RIF1: variants seen among roughly 807,000 people sequenced by gnomAD.
RIF1 encodes the protein replication timing regulatory factor 1.
RIF1 carries 45 observed loss-of-function variants against 247.1 expected under a neutral mutation model. The ratio of observed to expected loss-of-function variants is 0.18; its 90% CI spans 0.14 to 0.23. The LOEUF (loss-of-function observed/expected upper bound fraction) is 0.23, where lower values mean the gene tolerates loss of function less well. Ranked by LOEUF, RIF1 falls within the 10% of genes least tolerant of loss-of-function variation. The pLI is 1.00. For missense variants in RIF1, 2,967 were observed against 2,862.5 expected, an observed-to-expected ratio of 1.04 and a Z score of -0.83; for synonymous variants, 1,087 against 978.8, an observed-to-expected ratio of 1.11 and a Z score of -2.06.
At chr2:151,427,864 C>A (rs550115479) in intron 8 of RIF1, among the ~76,000 whole-genome samples, 1 of 152,154 alleles carries the variant, frequency 6.6e-6, no homozygotes, top group East Asian at 1.9e-4. Flanking sequence ...CGAGACCAGC[C>A]TGGCCAACAT....
rs2048935411 is a variant in RIF1, at chr2:151,476,487, T to G, written c.*1416T>G. The G allele has an allele frequency of 6.6e-6, 1 of 152,170 alleles. No individual in the cohort carries two copies. Among genetic ancestry groups the G allele is most frequent in the Admixed American group, 6.5e-5 (1 of 15,272 alleles). The allele number at this position is 152,170 out of a possible 1,614,324, so 9.4% of individuals were successfully genotyped here. A position where few individuals can be genotyped will look rare whatever the true frequency, so the allele number is the denominator to read the frequency against. On this transcript the variant is annotated 3_prime_UTR_variant, in exon 36 of 36. Coordinates refer to ENST00000444746, the MANE Select transcript of RIF1 (RefSeq NM_018151.5). ...ATTTTATTCAGAAGCTAATCCCTAC[T>G]TAGCAAGGCACACATTCTACAGCAA...
intron 9 of RIF1, chr2:151,493,729 C>T (rs1559157471): frequency 7.3e-7 from 1 of 1,367,320 alleles, no homozygotes; most frequent in Admixed American, 2.1e-5. Flanking sequence ...CCATGTTTGC[C>T]AGGGCTGTTA....
chr2:151,438,626 C>A, intron 13 of RIF1, 58 bp from the exon 14 acceptor site: 1 of 1,034,506 alleles, frequency 9.7e-7, no homozygotes, highest in South Asian at 1.3e-5. Flanking sequence ...GAGTGTTAGT[C>A]ATAGTACGTA....
chr2:151,493,134 T>A (rs2057870394), intron 9 of RIF1: 1 of 499,596 alleles, frequency 2.0e-6, no homozygotes, highest in Non-Finnish European at 3.6e-6. Context: ...TATGATGGTT[T>A]GGAATGTAAA....
intron 1 of RIF1, 40 bp from the exon 2 acceptor site, chr2:151,410,373 AT>A (rs1685928598): frequency 6.5e-7 from 1 of 1,539,350 alleles, no homozygotes; most frequent in Non-Finnish European, 8.9e-7. Flanking sequence ...GGCTGTTTCC[AT>A]CGGTCACTGG....
At chr2:151,491,557 C>T in intron 9 of RIF1, 2 of 790,806 alleles carry the variant, frequency 2.5e-6, no homozygotes, top group Non-Finnish European at 2.1e-6. Context: ...TATTTTTATG[C>T]CAAATGGGCA....
At position 151,468,551 on chromosome 2, in the gene RIF1, A is replaced by T; in HGVS notation, c.6825A>T (p.Leu2275Phe). 6.2e-7 allele frequency: 1 copy of T among 1,611,604 alleles called. No homozygotes were observed. Among genetic ancestry groups the T allele is most frequent in the Non-Finnish European group, 8.5e-7 (1 of 1,177,724 alleles). Reference protein sequence around the residue: ...SPKFKSSKKCLISEMAKESIP... With the variant: ...SPKFKSSKKCFISEMAKESIP... ...AATTTAAGAGCTCAAAGAAGTGTTT[A>T]GTAAGAAGTGCTTTAGTTTTCATGT... The change falls in exon 32 of 36, where the codon TTA (leucine) becomes TTT (phenylalanine). Residue 2275 changes from leucine (L) to phenylalanine (F), a missense_variant and splice_region_variant. By Grantham distance (22) the Leu-to-Phe change is conservative. Coordinates refer to ENST00000444746, the MANE Select transcript of RIF1 (RefSeq NM_018151.5).
intron 17 of RIF1, 97 bp from the exon 18 acceptor site, chr2:151,443,428 AAATT>A (rs1558977932): frequency 7.4e-7 from 1 of 1,359,092 alleles, no homozygotes; most frequent in Non-Finnish European, 1.0e-6. Flanking sequence ...TTTTTAAAAA[AAATT>A]CGTTAACTTT....
At chr2:151,467,537 G>T (rs1303977307) in intron 30 of RIF1, among the ~76,000 whole-genome samples, 1 of 151,992 alleles carries the variant, frequency 6.6e-6, no homozygotes, top group Non-Finnish European at 1.5e-5. Context: ...TAGAGATAAG[G>T]TTTCACCATG....
intron 9 of RIF1, chr2:151,492,537 C>T: frequency 7.0e-7 from 1 of 1,437,900 alleles, no homozygotes; most frequent in Non-Finnish European, 9.7e-7. Flanking sequence ...TGTCCTAAAT[C>T]TGAAACCTCA....
rs73004085 is a variant in RIF1 at position 151,434,331 on chromosome 2, C to T, written c.1077+1103C>T. Reference sequence around the variant, plus strand: ...TTTTAATTGTTACACAATGATTTTACGAATTCTTCAGGATTTGCATATCCT... The same window carrying T: ...TTTTAATTGTTACACAATGATTTTATGAATTCTTCAGGATTTGCATATCCT... On this transcript the variant is annotated intron_variant, in intron 10 of 35. Coordinates refer to ENST00000444746, the MANE Select transcript of RIF1 (RefSeq NM_018151.5). Among the ~76,000 whole-genome samples the T allele has an allele frequency of 4.1e-3, 616 of 151,784 alleles. 4 individuals carry two copies. The highest frequency in any genetic ancestry group is 0.014 in the African/African-American group (585 of 41,400).
chr2:151,493,800 T>C, intron 9 of RIF1: 1 of 1,584,818 alleles, frequency 6.3e-7, no homozygotes, highest in Non-Finnish European at 8.6e-7. Context: ...TTGATTGCGT[T>C]TCACTCTTTC....
chr2:151,410,091 C>T (rs1462220916), intron 1 of RIF1, 58 bp downstream of exon 1: 2 of 697,174 alleles, frequency 2.9e-6, no homozygotes, highest in East Asian at 2.7e-5. Flanking sequence ...GTCTGCCCAC[C>T]CTCCGCCCCC....
At chr2:151,492,349 A>G (rs890252099) in intron 9 of RIF1, 2 of 1,589,286 alleles carry the variant, frequency 1.3e-6, no homozygotes, top group African/African-American at 1.3e-5. Context: ...ACACATTCTG[A>G]CAGGCAGCCA....
At chr2:151,419,548 T>C (rs935938134) in intron 6 of RIF1, among the ~76,000 whole-genome samples, 1 of 152,014 alleles carries the variant, frequency 6.6e-6, no homozygotes, top group Non-Finnish European at 1.5e-5. Flanking sequence ...ATGGTCTCGA[T>C]CTCCTGACCT....
chr2:151,466,102 C>T lies in RIF1; in HGVS notation c.6582C>T (p.Ile2194=), dbSNP rs1696827484. 3.8e-6 allele frequency: 6 copies of T among 1,583,630 alleles called. No individual in the cohort carries two copies. In the Admixed American group the frequency reaches 7.1e-5, roughly 19 times the overall value. The change falls in exon 30 of 36, where the codon ATC becomes ATT. Residue 2194 remains isoleucine (I), a synonymous_variant. Coordinates refer to ENST00000444746, the MANE Select transcript of RIF1 (RefSeq NM_018151.5). Reference sequence around the variant, plus strand: ...TAAAAAGATCCCAAGAAGATGAAATCTCATCACCTGTTAATAAGGTAAGGG... The same window carrying T: ...TAAAAAGATCCCAAGAAGATGAAATTTCATCACCTGTTAATAAGGTAAGGG... ...RGLKRSQEDE[I]SSPVNKVRRV...
the RIF1 span, chr2:151,518,902 C>G: frequency 8.9e-7 from 1 of 1,127,442 alleles, no homozygotes; most frequent in Non-Finnish European, 1.3e-6. Flanking sequence ...CATCTGGGCT[C>G]AGAAAGAATT....
chr2:151,414,080 A>AGGCG (rs889037085), intron 3 of RIF1, among the ~76,000 whole-genome samples: 1 of 152,192 alleles, frequency 6.6e-6, no homozygotes, highest in Non-Finnish European at 1.5e-5. Context: ...GGGAGGCCTG[A>AGGCG]GGCGGGTGGA....
intron 9 of RIF1, among the ~76,000 whole-genome samples, chr2:151,488,991 C>G (rs2053730364): frequency 6.6e-6 from 1 of 152,094 alleles, no homozygotes; most frequent in Non-Finnish European, 1.5e-5. Context: ...TAAGTATTAT[C>G]ATTTTCAAAT....
Sources: allele counts gnomAD v4.1 joint callset (sites outside exome capture counted in the v4.1 genomes callset), GRCh38; gene constraint gnomAD v4.1.1; transcripts MANE v1.5; gene names NCBI Gene and HGNC (gene_info 2026-07-23, HGNC 2026-07-21).